PTCHD4: variants seen among roughly 807,000 people sequenced by gnomAD.
PTCHD4 encodes the protein patched domain-containing protein 4.
A neutral mutation model predicts 58.1 loss-of-function variants in PTCHD4; 33 were observed. That is an observed-to-expected ratio of 0.57 (90% CI 0.43 to 0.76). The LOEUF is 0.76. PTCHD4 is among the 30% of genes least tolerant of loss of function. The pLI is 0.00. For missense variants in PTCHD4, 1,058 were observed against 1,027.1 expected, an observed-to-expected ratio of 1.03 and a Z score of -0.41; for synonymous variants, 478 against 409.6, an observed-to-expected ratio of 1.17 and a Z score of -2.02.
At position 47,945,006 on chromosome 6, in the gene PTCHD4, A is replaced by T. The variant is rs78562869; in HGVS notation, c.898+63628T>A. ...TCCAGAAGAAATCATCAGTATAAGT[A>T]GATGCTAAGCAGGTGATAAAAATAA... On this transcript the variant is annotated intron_variant, in intron 4 of 4. Coordinates refer to ENST00000339488, the MANE Select transcript of PTCHD4 (RefSeq NM_001384253.1). Among the ~76,000 whole-genome samples the T allele has an allele frequency of 1.1e-4, 16 of 152,246 alleles. No homozygotes were observed. The East Asian group carries it at 3.1e-3, about 29-fold the overall frequency.
intron 4 of PTCHD4, among the ~76,000 whole-genome samples, chr6:47,904,851 G>A (rs1382790822): frequency 1.3e-5 from 2 of 152,110 alleles, no homozygotes; most frequent in East Asian, 1.9e-4. Flanking sequence ...ATGCTATGAA[G>A]AAAAGGCTTA....
intron 1 of PTCHD4, among the ~76,000 whole-genome samples, chr6:48,090,715 A>G (rs1361979373): frequency 6.6e-6 from 1 of 152,198 alleles, no homozygotes; most frequent in Non-Finnish European, 1.5e-5. Flanking sequence ...CATAATGTAG[A>G]ATGCGCATTG....
At position 47,878,537 on chromosome 6, in the gene PTCHD4, C is replaced by A. The variant is rs1196904532; in HGVS notation, c.2298G>T (p.Gly766=). The A allele has an allele frequency of 1.9e-6, 3 of 1,613,402 alleles. No individual in the cohort carries two copies. ...ILQNVTSFLI[G]LVPLLFVPSN... ...AAGGCACAAATAGAAGGGGGACTAA[C>A]CCAATAAGAAAAGAAGTAACATTTT... Residue 766 remains glycine, a synonymous_variant, in exon 5 of 5, where the codon GGG becomes GGT. Coordinates refer to ENST00000339488, the MANE Select transcript of PTCHD4 (RefSeq NM_001384253.1).
At chr6:48,025,427 T>A (rs1475605343) in intron 3 of PTCHD4, among the ~76,000 whole-genome samples, 1 of 152,212 alleles carries the variant, frequency 6.6e-6, no homozygotes, top group Non-Finnish European at 1.5e-5. Context: ...TCCATTGTTC[T>A]TAAAAACATT....
chr6:47,997,548 C>A lies in PTCHD4; in HGVS notation c.898+11086G>T, dbSNP rs74979587. 2.7e-3 allele frequency among the ~76,000 whole-genome samples: 410 copies of A among 152,126 alleles called. 2 individuals carry two copies. Among genetic ancestry groups the A allele is most frequent in the Middle Eastern group, 6.8e-3 (2 of 294 alleles). ...CTTATTTCCATTTAGACTAAGTCAACGAGGGGAAGCAGCAAAACAAACAGC... is the reference window on the plus strand; with the variant it reads ...CTTATTTCCATTTAGACTAAGTCAAAGAGGGGAAGCAGCAAAACAAACAGC... On this transcript the variant is annotated intron_variant, in intron 4 of 4. Transcript: ENST00000339488.
intron 3 of PTCHD4, among the ~76,000 whole-genome samples, chr6:48,060,310 CA>C (rs1764576397): frequency 6.6e-6 from 1 of 152,146 alleles, no homozygotes; most frequent in South Asian, 2.1e-4. Context: ...GAACGGAGCT[CA>C]AATTTAAAGG....
intron 4 of PTCHD4, among the ~76,000 whole-genome samples, chr6:47,975,527 T>G (rs1410825339): frequency 6.6e-6 from 1 of 152,158 alleles, no homozygotes; most frequent in Non-Finnish European, 1.5e-5. Flanking sequence ...GTTCATGGAT[T>G]TTTCAACTAG....
intron 4 of PTCHD4, among the ~76,000 whole-genome samples, chr6:47,909,970 T>C (rs1167017420): frequency 1.6e-4 from 25 of 152,204 alleles, no homozygotes; most frequent in Admixed American, 1.5e-3. Context: ...ATTAAATTTA[T>C]ATAAACGTGT....
intron 4 of PTCHD4, among the ~76,000 whole-genome samples, chr6:47,902,729 G>C (rs1298175032): frequency 6.6e-6 from 1 of 152,022 alleles, no homozygotes; most frequent in Non-Finnish European, 1.5e-5. Flanking sequence ...TTTCTATGGA[G>C]GGGTCATTGT....
chr6:47,890,907 G>T, intron 4 of PTCHD4: 1 of 984,326 alleles, frequency 1.0e-6, no homozygotes, highest in Non-Finnish European at 1.2e-6. Flanking sequence ...TGCTTTTCAA[G>T]TTTTCGAAAA....
intron 3 of PTCHD4, among the ~76,000 whole-genome samples, chr6:48,053,854 A>G (rs1216623780): frequency 6.6e-6 from 1 of 152,276 alleles, no homozygotes; most frequent in South Asian, 2.1e-4. Context: ...ACCAGGCAGG[A>G]AAATGGTACC....
rs1763736607 is a variant in PTCHD4, at chr6:47,872,336, C to T, written c.*5967G>A. Among the ~76,000 whole-genome samples, 1 of 151,548 alleles carries T rather than the reference C, an allele frequency of 6.6e-6. No individual in the cohort carries two copies. The highest frequency in any genetic ancestry group is 2.1e-4 in the South Asian group (1 of 4,824). ...TCCAAAGCATTAGAATTTTTTTCCC[C>T]CTCTGGTTTGACAGAGCCTTGTGGG... On this transcript the variant is annotated 3_prime_UTR_variant, in exon 5 of 5. Coordinates refer to ENST00000339488, the MANE Select transcript of PTCHD4 (RefSeq NM_001384253.1).
At chr6:47,904,198 C>A (rs1442819973) in intron 4 of PTCHD4, among the ~76,000 whole-genome samples, 1 of 152,098 alleles carries the variant, frequency 6.6e-6, no homozygotes, top group Non-Finnish European at 1.5e-5. Context: ...GATAAGATCA[C>A]CTTGGTTGCC....
At chr6:47,938,109 C>T (rs747974630) in intron 4 of PTCHD4, among the ~76,000 whole-genome samples, 4 of 152,100 alleles carry the variant, frequency 2.6e-5, no homozygotes, top group Non-Finnish European at 5.9e-5. Context: ...GCTGAGATTG[C>T]ACCACTGCAC....
intron 3 of PTCHD4, among the ~76,000 whole-genome samples, chr6:48,049,174 T>C (rs1486739519): frequency 6.6e-6 from 1 of 151,850 alleles, no homozygotes; most frequent in Non-Finnish European, 1.5e-5. Flanking sequence ...TTTTTGTTTT[T>C]CACGACTTGG....
chr6:47,933,144 A>G (rs1392725300), intron 4 of PTCHD4, among the ~76,000 whole-genome samples: 1 of 152,342 alleles, frequency 6.6e-6, no homozygotes, highest in South Asian at 2.1e-4. Context: ...AGGAGGAACC[A>G]TATGCTCTGA....
intron 4 of PTCHD4, among the ~76,000 whole-genome samples, chr6:47,917,972 C>T (rs143237767): frequency 2.6e-5 from 4 of 152,004 alleles, no homozygotes; most frequent in Admixed American, 6.5e-5. Context: ...TTAGAGGTGG[C>T]GGGGGGATGG....
intron 3 of PTCHD4, among the ~76,000 whole-genome samples, chr6:48,063,251 G>A (rs1295268551): frequency 1.3e-5 from 2 of 152,120 alleles, no homozygotes; most frequent in African/African-American, 4.8e-5. Context: ...TCCTGTGCCA[G>A]TGAAGAATTT....
At chr6:47,916,078 C>T (rs1190006391) in intron 4 of PTCHD4, among the ~76,000 whole-genome samples, 1 of 152,130 alleles carries the variant, frequency 6.6e-6, no homozygotes, top group African/African-American at 2.4e-5. Context: ...CCGGTGACTG[C>T]TTCTGCTCTG....
Sources: gnomAD v4.1 joint callset for allele counts (sites outside exome capture counted in the v4.1 genomes callset) on GRCh38, gnomAD v4.1.1 for gene constraint, MANE v1.5 for transcripts, NCBI Gene and HGNC (gene_info 2026-07-23, HGNC 2026-07-21) for gene names.